PTCH1: variants seen among roughly 807,000 people sequenced by gnomAD.
The protein encoded by PTCH1 is protein patched homolog 1.
In PTCH1, 14 loss-of-function variants were observed where a neutral mutation model predicts 144.6. The ratio of observed to expected loss-of-function variants is 0.10; its 90% CI spans 0.06 to 0.15. The LOEUF (loss-of-function observed/expected upper bound fraction) is 0.15. Ranked by LOEUF, PTCH1 falls within the 10% of genes least tolerant of loss-of-function variation. The pLI is 1.00. For missense variants in PTCH1, 1,623 were observed against 1,948.3 expected (o/e 0.83, Z 3.14); for synonymous variants, 833 against 793.6 (o/e 1.05, Z -0.83).
At chr9:95,461,760 G>T (rs1008521808) in intron 16 of PTCH1, 96 bp downstream of exon 16, 1 of 1,530,334 alleles carries the variant, frequency 6.5e-7, no homozygotes, top group East Asian at 2.3e-5. Context: ...GGTCTCCAGA[G>T]AGCACAGGGT....
intron 15 of PTCH1, among the ~76,000 whole-genome samples, chr9:95,464,710 A>G (rs772722736): frequency 6.6e-6 from 1 of 152,206 alleles, no homozygotes; most frequent in South Asian, 2.1e-4. Flanking sequence ...AATCAAAGAC[A>G]AACTATTGTA....
chr9:95,507,067 CAT>C (rs959463988), intron 1 of PTCH1: 11 of 986,894 alleles, frequency 1.1e-5, no homozygotes, highest in Admixed American at 6.1e-5. Context: ...TTTGGAACAA[CAT>C]ATTGCGGGTT....
In PTCH1 at chr9:95,458,367, G is replaced by T. The variant is rs1012997626; in HGVS notation, c.2888-74C>A. 6.5e-7 allele frequency: 1 copy of T among 1,540,354 alleles called. No individual in the cohort carries two copies. The highest frequency in any genetic ancestry group is 8.8e-7 in the Non-Finnish European group (1 of 1,132,086). The stretch of plus-strand genomic sequence containing the variant: ...TCACAGTTTCAATGGAAAGAGAGAA[G>T]AACTTTGCATGAAAGCTTACTGACT... On this transcript the variant is annotated intron_variant, in intron 17 of 23. Transcript: ENST00000331920. The surrounding 1 kb of genome is among the most constrained non-coding windows in gnomAD (Gnocchi z 4.7).
At position 95,445,243 on chromosome 9, in the gene PTCH1, T is replaced by TTACC. The variant is rs1837784964; in HGVS notation, c.*1149_*1150insGGTA. On this transcript the variant is annotated 3_prime_UTR_variant, in exon 24 of 24. Transcript: ENST00000331920. ...TGGGAGACTGTGGGCCAAGAAAGAA[T>TTACC]TAACTAAATAGGTTTTTCTACCTGT... 1 of 152,126 alleles carries TTACC rather than the reference T, an allele frequency of 6.6e-6. No homozygotes were observed. Among genetic ancestry groups the TTACC allele is most frequent in the Non-Finnish European group, 1.5e-5 (1 of 68,042 alleles). The allele number at this position is 152,126 out of a possible 1,614,324, so 9.4% of individuals were successfully genotyped here.
chr9:95,505,294 T>C (rs938107994), intron 2 of PTCH1, among the ~76,000 whole-genome samples: 3 of 152,164 alleles, frequency 2.0e-5, no homozygotes, highest in East Asian at 3.9e-4. Flanking sequence ...ATGCTCCAGG[T>C]ATTTTGGTTT....
At chr9:95,469,655 C>T (rs1840384195) in intron 13 of PTCH1, among the ~76,000 whole-genome samples, 158 bp downstream of exon 13, 1 of 152,046 alleles carries the variant, frequency 6.6e-6, no homozygotes, top group Non-Finnish European at 1.5e-5. Context: ...TCTGATGTCC[C>T]CCTAGGGAAG....
At chr9:95,459,494 T>C in intron 17 of PTCH1, 106 bp downstream of exon 17, 2 of 1,384,694 alleles carry the variant, frequency 1.4e-6, no homozygotes, top group South Asian at 2.4e-5. Context: ...CTGTTTACAC[T>C]TCTGAACCCT....
chr9:95,497,150 T>C (rs1290347848), intron 2 of PTCH1, among the ~76,000 whole-genome samples: 4 of 152,240 alleles, frequency 2.6e-5, no homozygotes, highest in Non-Finnish European at 5.9e-5. Flanking sequence ...ACTGAAATCC[T>C]ATTTCTTCCT....
intron 15 of PTCH1, among the ~76,000 whole-genome samples, chr9:95,463,152 G>A (rs933569096): frequency 3.4e-5 from 5 of 148,886 alleles, no homozygotes; most frequent in African/African-American, 9.8e-5. Flanking sequence ...GACATGCCTT[G>A]GATGATTTCA....
At chr9:95,500,477 T>C (rs966477609) in intron 2 of PTCH1, among the ~76,000 whole-genome samples, 6 of 152,166 alleles carry the variant, frequency 3.9e-5, no homozygotes, top group Non-Finnish European at 7.4e-5. Context: ...TTCTAAACCA[T>C]GTATGGGGGT....
intron 20 of PTCH1, chr9:95,451,116 TC>T (rs1838424447): frequency 6.6e-6 from 1 of 151,960 alleles, no homozygotes; most frequent in Admixed American, 6.6e-5. Context: ...GGAGAGAGAA[TC>T]CCCATAAAAA....
At chr9:95,498,822 C>A (rs992526597) in intron 2 of PTCH1, among the ~76,000 whole-genome samples, 1 of 152,170 alleles carries the variant, frequency 6.6e-6, no homozygotes, top group Non-Finnish European at 1.5e-5. Flanking sequence ...CTCCTGCAGG[C>A]AGAAGTGCCC....
At position 95,446,969 on chromosome 9, in the gene PTCH1, G is replaced by A; in HGVS notation, c.4287C>T (p.Val1429=). The A allele has an allele frequency of 6.2e-7, 1 of 1,614,194 alleles. No individual in the cohort carries two copies. ...CGCATTCCACGTCCTGCAGCTCAAT[G>A]ACTTCCACCTTCGAATCCCTCCTCT... ...RCERRDSKVE[V]IELQDVECEE... Residue 1429 remains valine, a synonymous_variant, in exon 23 of 24, where the codon GTC becomes GTT. Coordinates refer to ENST00000331920, the MANE Select transcript of PTCH1 (RefSeq NM_000264.5).
At chr9:95,489,546 C>T (rs937691215) in intron 2 of PTCH1, among the ~76,000 whole-genome samples, 2 of 152,114 alleles carry the variant, frequency 1.3e-5, no homozygotes, top group African/African-American at 2.4e-5. Flanking sequence ...ATACGGGGGC[C>T]TCACTATGTT....
rs45535032 is a variant in PTCH1, at chr9:95,447,085, G to T, written c.4171C>A (p.Arg1391=). 1.2e-6 allele frequency: 2 copies of T among 1,613,752 alleles called. No homozygotes were observed. Among genetic ancestry groups the T allele is most frequent in the Non-Finnish European group, 1.7e-6 (2 of 1,180,022 alleles). ...VHPPPVPGPG[R]NPRGGLCPGY... ...GGGCAGAGTCCCCCTCGGGGGTTCC[G>T]CCCAGGCCCAGGGACAGGCGGCGGG... The change falls in exon 23 of 24, where the codon CGG becomes AGG. Residue 1391 remains arginine (R), a synonymous_variant. Coordinates refer to ENST00000331920, the MANE Select transcript of PTCH1 (RefSeq NM_000264.5).
At position 95,447,252 on chromosome 9, in the gene PTCH1, T is replaced by C. The variant is rs1231336202; in HGVS notation, c.4004A>G (p.Asn1335Ser). The change falls in exon 23 of 24, where the codon AAT (asparagine) becomes AGT (serine). Residue 1335 changes from asparagine to serine, a missense_variant. By Grantham distance (46) the Asn-to-Ser change is conservative. Around this residue, in one of 7 missense-constraint regions of PTCH1, gnomAD observed 291 missense variants for 287.4 expected, o/e 1.01. Transcript: ENST00000331920. ...CCCGCGAGGGCCCCAGCGGGCCCTA[T>C]TGCTAGGGCCAGAATGCCCTTCAGT... The part of the protein sequence containing the change: ...ISTEGHSGPS[N>S]RARWGPRGAR... 1.2e-6 allele frequency: 2 copies of C among 1,612,920 alleles called. No individual in the cohort carries two copies. Among genetic ancestry groups the C allele is most frequent in the Non-Finnish European group, 1.7e-6 (2 of 1,179,900 alleles).
At chr9:95,473,867 T>G (rs543320169) in intron 12 of PTCH1, 8 of 321,110 alleles carry the variant, frequency 2.5e-5, no homozygotes, top group South Asian at 1.9e-4. Context: ...GACAGAGAAT[T>G]AACCAGTGTC....
chr9:95,462,058 A>T (rs2136691212), intron 15 of PTCH1, 60 bp from the exon 16 acceptor site: 2 of 1,607,034 alleles, frequency 1.2e-6, no homozygotes, highest in Non-Finnish European at 1.7e-6. Context: ...CCCTGGTCCT[A>T]GCGGGGTGGG....
chr9:95,516,754 C>T (rs1564098716), exon 1 of PTCH1: 2 of 1,613,336 alleles, frequency 1.2e-6, no homozygotes, highest in African/African-American at 1.3e-5. Context: ...GCTGGGCCGC[C>T]GGAGGCTTTC....
Sources: gnomAD v4.1 joint callset for allele counts (sites outside exome capture counted in the v4.1 genomes callset) on GRCh38, gnomAD v4.1.1 for gene constraint, gnomAD v4.1.1 regional missense constraint, Gnocchi (gnomAD v3.1) non-coding constraint, MANE v1.5 for transcripts, NCBI Gene and HGNC (gene_info 2026-07-23, HGNC 2026-07-21) for gene names.